The following MTDH variants were observed in gnomAD, a reference collection of about 807,000 sequenced individuals.
MTDH encodes the protein protein LYRIC.
A neutral mutation model predicts 72.7 loss-of-function variants in MTDH; 34 were observed. That is an observed-to-expected ratio of 0.47 (90% CI 0.36 to 0.62). The LOEUF (loss-of-function observed/expected upper bound fraction) is 0.62, where lower values mean the gene tolerates loss of function less well. Ranked by LOEUF, MTDH falls within the 20% of genes least tolerant of loss-of-function variation. MTDH has a pLI of 0.00. For synonymous variants in MTDH, 266 were observed against 268.9 expected, an observed-to-expected ratio of 0.99 and a Z score of 0.10; for missense variants, 677 against 699.4, an observed-to-expected ratio of 0.97 and a Z score of 0.36.
chr8:97,689,168 CT>C, intron 5 of MTDH, 65 bp downstream of exon 5: 1 of 821,596 alleles, frequency 1.2e-6, no homozygotes, highest in Non-Finnish European at 2.0e-6. Context: ...ATACATACCT[CT>C]TTCCTCAAAT....
chr8:97,690,961 G>T lies in MTDH; in HGVS notation c.821G>T (p.Gly274Val). The T allele has an allele frequency of 6.2e-7, 1 of 1,606,450 alleles. No individual in the cohort carries two copies. The highest frequency in any genetic ancestry group is 8.5e-7 in the Non-Finnish European group (1 of 1,176,644). ...KGDSTLQVSSGLNENLTVNGG... is the reference protein window; with the variant it reads ...KGDSTLQVSSVLNENLTVNGG... ...TTTTCTTTTCTTTAAGTTTCTTCAG[G>T]ATTGAATGAAAACCTCACTGTCAAT... The change falls in exon 6 of 12, where the codon GGA becomes GTA. Residue 274 changes from glycine (G) to valine (V), a missense_variant. Physicochemically the swap from Gly to Val is moderately radical, Grantham distance 109. This residue lies in a region of MTDH where 467 missense variants were observed against 469.1 expected (regional missense o/e 1.00). Coordinates refer to ENST00000336273, the MANE Select transcript of MTDH (RefSeq NM_178812.4).
chr8:97,658,971 G>A (rs1383068300), intron 1 of MTDH, among the ~76,000 whole-genome samples: 5 of 151,898 alleles, frequency 3.3e-5, no homozygotes, highest in Non-Finnish European at 5.9e-5. Flanking sequence ...GTGAAACCCC[G>A]TCTCTACTAA....
intron 1 of MTDH, among the ~76,000 whole-genome samples, 190 bp downstream of exon 1, chr8:97,645,077 GTA>G (rs1464925415): frequency 1.3e-5 from 2 of 152,212 alleles, no homozygotes; most frequent in African/African-American, 4.8e-5. Flanking sequence ...AACTCAGGAA[GTA>G]TAGGACGAGT....
chr8:97,706,877 A>C (rs1371830752), intron 8 of MTDH, 127 bp downstream of exon 8: 1 of 1,076,966 alleles, frequency 9.3e-7, no homozygotes, highest in African/African-American at 1.6e-5. Flanking sequence ...CCAGGAGTTC[A>C]AGGCCAGCCT....
chr8:97,697,004 A>C (rs1001378542), intron 6 of MTDH, among the ~76,000 whole-genome samples: 1 of 150,306 alleles, frequency 6.7e-6, no homozygotes, highest in African/African-American at 2.5e-5. Flanking sequence ...CCAGCTACTC[A>C]GGAGGCTGTG....
intron 5 of MTDH, among the ~76,000 whole-genome samples, chr8:97,689,652 GTGT>G (rs1813504557): frequency 6.6e-6 from 1 of 150,656 alleles, no homozygotes; most frequent in South Asian, 2.1e-4. Context: ...GAAAACAAAA[GTGT>G]TGTAGTAAAA....
In MTDH at chr8:97,689,094, A is replaced by G. The variant is rs776955452; in HGVS notation, c.802A>G (p.Thr268Ala). 1.2e-5 allele frequency: 19 copies of G among 1,579,404 alleles called. No individual in the cohort carries two copies. The highest frequency in any genetic ancestry group is 9.4e-5 in the African/African-American group (7 of 74,474). Residue 268 changes from threonine (T) to alanine (A), a missense_variant, in exon 5 of 12, where the codon ACA becomes GCA. By Grantham distance (58) the Thr-to-Ala change is moderately conservative. Around this residue, in one of 3 missense-constraint regions of MTDH, gnomAD observed 467 missense variants for 469.1 expected, o/e 1.00. Coordinates refer to ENST00000336273, the MANE Select transcript of MTDH (RefSeq NM_178812.4). ...SNFKSGKGDSTLQVSSGLNEN... is the reference protein window; with the variant it reads ...SNFKSGKGDSALQVSSGLNEN... ...CTTTAAATCTGGAAAAGGAGATTCT[A>G]CACTTCAGGGTGAGAGAAATTACAT...
chr8:97,672,955 G>A (rs1421787541), intron 2 of MTDH, among the ~76,000 whole-genome samples: 1 of 152,158 alleles, frequency 6.6e-6, no homozygotes, highest in Non-Finnish European at 1.5e-5. Context: ...GATGGATCAT[G>A]TATACAAATA....
rs1412377482 is a variant in MTDH, at chr8:97,664,363, A to G, written c.483+3190A>G. Reference sequence around the variant, plus strand: ...AGAATAAGATTCCATCTCAAAAAAAAAAAAATGGATGCAGTTTCTGGACTA... The same window carrying G: ...AGAATAAGATTCCATCTCAAAAAAAGAAAAATGGATGCAGTTTCTGGACTA... On this transcript the variant is annotated intron_variant, in intron 2 of 11. Transcript: ENST00000336273. Among the ~76,000 whole-genome samples the G allele has an allele frequency of 2.0e-5, 3 of 152,162 alleles. No homozygotes were observed. The East Asian group carries it at 5.8e-4, about 29-fold the overall frequency.
intron 7 of MTDH, among the ~76,000 whole-genome samples, chr8:97,704,621 A>AAT (rs554794241): frequency 1.3e-4 from 19 of 151,600 alleles, no homozygotes; most frequent in South Asian, 8.3e-4. Context: ...AAACTAAGAA[A>AAT]ATATATATAT....
intron 2 of MTDH, among the ~76,000 whole-genome samples, chr8:97,661,988 A>G (rs1812189251): frequency 6.6e-6 from 1 of 152,016 alleles, no homozygotes; most frequent in East Asian, 1.9e-4. Flanking sequence ...TCCAAGTAAG[A>G]CAATCTATCA....
intron 5 of MTDH, among the ~76,000 whole-genome samples, chr8:97,689,632 T>G (rs1264248077): frequency 6.6e-6 from 1 of 152,026 alleles, no homozygotes; most frequent in Admixed American, 6.6e-5. Flanking sequence ...TAGAGTGTTA[T>G]GCCTGACCTG....
chr8:97,711,608 A>G (rs557978592), intron 8 of MTDH, among the ~76,000 whole-genome samples: 1 of 152,234 alleles, frequency 6.6e-6, no homozygotes, highest in East Asian at 1.9e-4. Context: ...CACAGTAGCC[A>G]TCCCCACCGC....
rs528868217 is a variant in MTDH, at chr8:97,646,923, A to G, written c.381+2036A>G. ...TCAAGCTTTTCTGACTGCAACCCAC[A>G]ATAAGAAATACATTTTACATTACAT... On this transcript the variant is annotated intron_variant, in intron 1 of 11. Coordinates refer to ENST00000336273, the MANE Select transcript of MTDH (RefSeq NM_178812.4). Among the ~76,000 whole-genome samples, 5 of 152,372 alleles carry G rather than the reference A, an allele frequency of 3.3e-5. No individual in the cohort carries two copies. In the South Asian group the frequency reaches 1.0e-3, roughly 32 times the overall value.
At chr8:97,647,408 A>T (rs567897372) in intron 1 of MTDH, among the ~76,000 whole-genome samples, 1 of 152,298 alleles carries the variant, frequency 6.6e-6, no homozygotes, top group African/African-American at 2.4e-5. Flanking sequence ...CAAAAAATTT[A>T]AAAAATTAGC....
intron 8 of MTDH, among the ~76,000 whole-genome samples, chr8:97,708,879 C>T (rs900649284): frequency 2.6e-5 from 4 of 151,868 alleles, no homozygotes; most frequent in Non-Finnish European, 4.4e-5. Context: ...GGATTACAGG[C>T]GTGAGCCACT....
intron 2 of MTDH, among the ~76,000 whole-genome samples, chr8:97,662,279 C>T (rs1289297042): frequency 6.6e-6 from 1 of 150,754 alleles, no homozygotes; most frequent in African/African-American, 2.4e-5. Context: ...TCAAATGATC[C>T]TCCTGCCTCG....
At chr8:97,652,593 A>G (rs970450520) in intron 1 of MTDH, among the ~76,000 whole-genome samples, 4 of 152,234 alleles carry the variant, frequency 2.6e-5, no homozygotes, top group Admixed American at 1.3e-4. Flanking sequence ...TGCCTGGCGT[A>G]TAAGTGCCTT....
intron 10 of MTDH, among the ~76,000 whole-genome samples, chr8:97,722,143 A>G (rs1815155065): frequency 6.6e-6 from 1 of 152,174 alleles, no homozygotes; most frequent in Non-Finnish European, 1.5e-5. Flanking sequence ...TCACGCCTAT[A>G]ATCCCAGCTA....
Sources: allele counts gnomAD v4.1 joint callset (sites outside exome capture counted in the v4.1 genomes callset), GRCh38; gene constraint gnomAD v4.1.1; regional missense constraint gnomAD v4.1.1; transcripts MANE v1.5; gene names NCBI Gene and HGNC (gene_info 2026-07-23, HGNC 2026-07-21).